Variants in ZNF362 observed in about 807,000 individuals in gnomAD.
ZNF362 encodes rotund homolog.
In ZNF362, 11 loss-of-function variants were observed where a neutral mutation model predicts 42.9. The observed-to-expected ratio is 0.26, with a 90% CI of 0.16 to 0.42. The LOEUF is 0.42. Ranked by LOEUF, ZNF362 falls within the 20% of genes least tolerant of loss-of-function variation. ZNF362 has a pLI of 1.00. For synonymous variants in ZNF362, 255 were observed against 257.3 expected, an observed-to-expected ratio of 0.99 and a Z score of 0.09; for missense variants, 362 against 576.2, an observed-to-expected ratio of 0.63 and a Z score of 3.81.
the ZNF362 span, among the ~76,000 whole-genome samples, chr1:33,157,833 T>G: frequency 1.3e-5 from 2 of 152,180 alleles, no homozygotes; most frequent in African/African-American, 4.8e-5. Context: ...CTCAGCTCAC[T>G]GCAACCTCTG....
the ZNF362 span, among the ~76,000 whole-genome samples, chr1:33,240,385 C>G: frequency 2.0e-5 from 3 of 152,184 alleles, no homozygotes; most frequent in Non-Finnish European, 4.4e-5. Flanking sequence ...GCCAACAATT[C>G]AGTGATAAAA....
At chr1:33,143,965 T>G in the ZNF362 span, among the ~76,000 whole-genome samples, 1 of 152,214 alleles carries the variant, frequency 6.6e-6, no homozygotes. Context: ...GGCCCCCATG[T>G]CTCTTGCCTG....
chr1:33,237,832 G>A, the ZNF362 span, among the ~76,000 whole-genome samples: 1 of 152,192 alleles, frequency 6.6e-6, no homozygotes, highest in African/African-American at 2.4e-5. Context: ...TGAGGACAGG[G>A]AAACCTCGAA....
At chr1:33,145,651 C>T in the ZNF362 span, 4 of 308,798 alleles carry the variant, frequency 1.3e-5, no homozygotes, top group Non-Finnish European at 6.4e-6. Context: ...GAATCTAGGC[C>T]CCAGGACTAG....
chr1:33,277,961 CT>C (rs1645963918), intron 4 of ZNF362, among the ~76,000 whole-genome samples: 1 of 152,166 alleles, frequency 6.6e-6, no homozygotes. Flanking sequence ...GCAGGTGCTT[CT>C]GCCTCTCTCC....
chr1:33,295,369 C>T (rs1646113450), intron 8 of ZNF362, 64 bp downstream of exon 8: 1 of 1,567,584 alleles, frequency 6.4e-7, no homozygotes, highest in African/African-American at 1.4e-5. Context: ...GCCTCAGTTG[C>T]TTCCCCATTG....
the ZNF362 span, among the ~76,000 whole-genome samples, chr1:33,155,588 G>A: frequency 6.6e-6 from 1 of 152,282 alleles, no homozygotes; most frequent in Middle Eastern, 3.4e-3. Context: ...TCTGGGGCCC[G>A]ACGTTGGGGT....
chr1:33,174,511 C>T, the ZNF362 span, among the ~76,000 whole-genome samples: 1 of 152,100 alleles, frequency 6.6e-6, no homozygotes, highest in African/African-American at 2.4e-5. Context: ...CTCAGTTTCT[C>T]CATTTATAAA....
chr1:33,137,198 A>G, the ZNF362 span, among the ~76,000 whole-genome samples: 26 of 152,254 alleles, frequency 1.7e-4, no homozygotes, highest in East Asian at 4.6e-3. Context: ...ATCACAGGGT[A>G]GTATGGGGAC....
chr1:33,246,438 C>T, the ZNF362 span, among the ~76,000 whole-genome samples: 2 of 152,182 alleles, frequency 1.3e-5, no homozygotes, highest in Non-Finnish European at 2.9e-5. Flanking sequence ...AAGAAGGGGC[C>T]TGGCAGGCAG....
chr1:33,130,017 G>A, the ZNF362 span, among the ~76,000 whole-genome samples: 3 of 152,106 alleles, frequency 2.0e-5, no homozygotes, highest in Admixed American at 2.0e-4. Flanking sequence ...GAGCCACCAT[G>A]CCTGGCTAAT....
At chr1:33,254,458 G>A (rs1281257989), upstream of ZNF362, among the ~76,000 whole-genome samples, 4 of 152,034 alleles carry the variant, frequency 2.6e-5, no homozygotes, top group Non-Finnish European at 5.9e-5. Flanking sequence ...ATGGTTTCTC[G>A]GACTTTCCTT....
the ZNF362 span, among the ~76,000 whole-genome samples, chr1:33,203,982 T>A: frequency 1.5e-3 from 228 of 152,312 alleles, 3 homozygotes; most frequent in Admixed American, 0.014. Context: ...TTTGATGTAG[T>A]CCCATTTATT....
At chr1:33,200,407 A>G in the ZNF362 span, 1 of 152,192 alleles carries the variant, frequency 6.6e-6, no homozygotes, top group Non-Finnish European at 1.5e-5. Context: ...AAAAATTGAA[A>G]TAGGACAAAC....
At chr1:33,234,388 A>C in the ZNF362 span, among the ~76,000 whole-genome samples, 2 of 152,218 alleles carry the variant, frequency 1.3e-5, no homozygotes, top group Non-Finnish European at 1.5e-5. Flanking sequence ...ACGCCGTGTC[A>C]TCATTTTTGC....
chr1:33,172,357 T>C, the ZNF362 span, among the ~76,000 whole-genome samples: 1 of 151,550 alleles, frequency 6.6e-6, no homozygotes, highest in Admixed American at 6.6e-5. Flanking sequence ...GGAGAACAGG[T>C]TGGGTAGGGG....
In ZNF362 at chr1:33,284,016, G is replaced by A. The variant is rs555832996; in HGVS notation, c.908+2205G>A. 5.9e-5 allele frequency among the ~76,000 whole-genome samples: 9 copies of A among 152,368 alleles called. No homozygotes were observed. In the East Asian group the frequency reaches 1.7e-3, roughly 29 times the overall value. On this transcript the variant is annotated intron_variant, in intron 6 of 8. Transcript: ENST00000539719. ...AGGCCTCCAGGCCAGAATTGTGTAT[G>A]TGTGTATGTATGTGAAAAAATTTTA...
chr1:33,189,887 G>A, the ZNF362 span, among the ~76,000 whole-genome samples: 1 of 151,558 alleles, frequency 6.6e-6, no homozygotes, highest in Non-Finnish European at 1.5e-5. Context: ...AGTCACAGGA[G>A]GGTGTGAAGA....
chr1:33,221,240 G>A, the ZNF362 span, among the ~76,000 whole-genome samples: 7 of 152,204 alleles, frequency 4.6e-5, no homozygotes, highest in African/African-American at 7.2e-5. Flanking sequence ...AACCCCAGCC[G>A]CAGGCAGAGG....
Sources: allele counts gnomAD v4.1 joint callset (sites outside exome capture counted in the v4.1 genomes callset), GRCh38; gene constraint gnomAD v4.1.1; transcripts MANE v1.5; gene names NCBI Gene and HGNC (gene_info 2026-07-23, HGNC 2026-07-21).